Variants in NLRP5 observed in about 807,000 individuals in gnomAD.
NLRP5 encodes the protein NACHT, LRR and PYD domains-containing protein 5.
Under a neutral mutation model 113.1 loss-of-function variants are expected in NLRP5, and 93 were observed. The observed-to-expected ratio is 0.82, with a 90% CI of 0.70 to 0.98. The LOEUF (loss-of-function observed/expected upper bound fraction) is 0.98, where lower values mean the gene tolerates loss of function less well. Ranked by LOEUF, NLRP5 falls within the 50% of genes least tolerant of loss-of-function variation. The probability of loss-of-function intolerance (pLI) is 0.00; values close to 1 mark genes in which losing one functional copy is unlikely to be tolerated. For missense variants in NLRP5, 1,808 were observed against 1,514.3 expected (o/e 1.19, Z -3.22); for synonymous variants, 751 against 600.7 (o/e 1.25, Z -3.66).
chr19:56,020,678 G>T (rs2123293810), intron 6 of NLRP5, among the ~76,000 whole-genome samples: 2 of 150,610 alleles, frequency 1.3e-5, no homozygotes, highest in South Asian at 2.1e-4. Context: ...TAATTCTAGG[G>T]GACTCGAATC....
At chr19:56,012,588 A>C (rs1415005114) in intron 3 of NLRP5, among the ~76,000 whole-genome samples, 2 of 151,852 alleles carry the variant, frequency 1.3e-5, no homozygotes, top group Non-Finnish European at 2.9e-5. Flanking sequence ...AAAAAAAAAA[A>C]AAATCCTTCA....
upstream of NLRP5, among the ~76,000 whole-genome samples, chr19:55,994,760 C>G (rs1375234769): frequency 2.0e-5 from 3 of 152,124 alleles, no homozygotes; most frequent in African/African-American, 7.2e-5. Context: ...TGGATGTACT[C>G]CTATTGGTCT....
At chr19:56,000,975 C>G (rs1981624051) in intron 1 of NLRP5, among the ~76,000 whole-genome samples, 2 of 151,796 alleles carry the variant, frequency 1.3e-5, no homozygotes, top group Non-Finnish European at 2.9e-5. Context: ...CCACTACACT[C>G]CAGCCTGGGT....
chr19:56,010,828 T>C (rs1982160683), intron 3 of NLRP5, among the ~76,000 whole-genome samples: 1 of 148,544 alleles, frequency 6.7e-6, no homozygotes, highest in African/African-American at 2.5e-5. Flanking sequence ...ATGTGGTCCA[T>C]GTATACAATA....
At chr19:55,999,813 T>C in intron 1 of NLRP5, 1 of 1,576,346 alleles carries the variant, frequency 6.3e-7, no homozygotes, top group Middle Eastern at 1.7e-4. Flanking sequence ...GAGTTACCTA[T>C]GAGGAAACCG....
upstream of NLRP5, among the ~76,000 whole-genome samples, chr19:55,998,040 A>C (rs1432588156): frequency 1.3e-5 from 2 of 152,182 alleles, no homozygotes; most frequent in African/African-American, 4.8e-5. Flanking sequence ...TAATCAAAAC[A>C]ACCATGGTAG....
At chr19:55,998,155 TTTATC>T (rs1011569148), upstream of NLRP5, among the ~76,000 whole-genome samples, 6 of 152,102 alleles carry the variant, frequency 3.9e-5, no homozygotes, top group South Asian at 2.1e-4. Context: ...TTGGATTAGA[TTTATC>T]TTATCTCAGT....
the NLRP5 span, among the ~76,000 whole-genome samples, chr19:55,991,083 G>A: frequency 2.0e-5 from 3 of 152,144 alleles, no homozygotes; most frequent in African/African-American, 7.2e-5. Flanking sequence ...TTTATTTGCA[G>A]CAGTTTTTTC....
intron 9 of NLRP5, among the ~76,000 whole-genome samples, chr19:56,036,884 G>C (rs1171698814): frequency 6.6e-6 from 1 of 152,146 alleles, no homozygotes; most frequent in Non-Finnish European, 1.5e-5. Context: ...TTGAACCCAG[G>C]AGGCAGAGGT....
intron 7 of NLRP5, among the ~76,000 whole-genome samples, chr19:56,031,992 G>GT: frequency 6.6e-6 from 1 of 152,152 alleles, no homozygotes; most frequent in Admixed American, 6.6e-5. Flanking sequence ...CCTCTGTACT[G>GT]TTTTCCACAG....
intron 1 of NLRP5, among the ~76,000 whole-genome samples, chr19:56,001,569 C>T (rs1447496189): frequency 9.9e-5 from 15 of 152,122 alleles, no homozygotes; most frequent in African/African-American, 3.6e-4. Context: ...GGGCTAAATA[C>T]TGGGGACAAC....
Position 56,027,617 on chromosome 19 carries a change from C to G in NLRP5, c.1384C>G (p.Arg462Gly), listed in dbSNP as rs199475775. The change falls in exon 7 of 15, where the codon CGT becomes GGT. Residue 462 changes from arginine (R) to glycine (G), a missense_variant. Transcript: ENST00000390649. Reference sequence around the variant, plus strand: ...AGGGTTGCGTGCGATCATGAACAACCGTGAGCTGCTCGACCAGTGCCAGGT... The same window carrying G: ...AGGGTTGCGTGCGATCATGAACAACGGTGAGCTGCTCGACCAGTGCCAGGT... 1 of 1,613,626 alleles carries G rather than the reference C, an allele frequency of 6.2e-7. No homozygotes were observed. The highest frequency in any genetic ancestry group is 1.3e-5 in the African/African-American group (1 of 74,938).
chr19:56,008,726 C>T, intron 2 of NLRP5, 62 bp from the exon 3 acceptor site: 4 of 1,442,212 alleles, frequency 2.8e-6, no homozygotes, highest in Non-Finnish European at 2.9e-6. Flanking sequence ...CATTCTTATC[C>T]TTGGCTTGGG....
chr19:56,039,866 G>T (rs1044484191), intron 10 of NLRP5, among the ~76,000 whole-genome samples: 1 of 152,074 alleles, frequency 6.6e-6, no homozygotes, highest in Non-Finnish European at 1.5e-5. Flanking sequence ...GTGAGCCAAG[G>T]TCACGCCATT....
chr19:56,024,034 G>T (rs1982717970), intron 6 of NLRP5, among the ~76,000 whole-genome samples: 1 of 152,128 alleles, frequency 6.6e-6, no homozygotes, highest in South Asian at 2.1e-4. Flanking sequence ...AAAAGACAAG[G>T]TATTTTTCTC....
At chr19:56,007,920 T>TGCGCGC (rs1982006555) in intron 2 of NLRP5, among the ~76,000 whole-genome samples, 1 of 129,304 alleles carries the variant, frequency 7.7e-6, no homozygotes, top group African/African-American at 3.2e-5. Flanking sequence ...TGTGTGTGTG[T>TGCGCGC]GTGTGTGTGT....
intron 7 of NLRP5, among the ~76,000 whole-genome samples, chr19:56,030,714 C>CTTTTTTTTTTTTTTTTTTTGTTTTTT (rs770624516): frequency 1.4e-5 from 1 of 71,350 alleles, no homozygotes; most frequent in African/African-American, 7.2e-5. Context: ...CTTTCTTCTT[C>CTTTTTTTTTTTTTTTTTTTGTTTTTT]TTTTTTTTTT....
the NLRP5 span, among the ~76,000 whole-genome samples, chr19:55,991,492 C>A: frequency 6.6e-6 from 1 of 152,058 alleles, no homozygotes; most frequent in Admixed American, 6.6e-5. Flanking sequence ...CCACATTGAG[C>A]CTTTTATCTA....
intron 12 of NLRP5, among the ~76,000 whole-genome samples, chr19:56,052,977 AT>A (rs1241964344): frequency 6.6e-6 from 1 of 152,216 alleles, no homozygotes; most frequent in Non-Finnish European, 1.5e-5. Flanking sequence ...CATGCCTGTA[AT>A]CCCAGCTACT....
Sources: gnomAD v4.1 joint callset for allele counts (sites outside exome capture counted in the v4.1 genomes callset) on GRCh38, gnomAD v4.1.1 for gene constraint, MANE v1.5 for transcripts, NCBI Gene and HGNC (gene_info 2026-07-23, HGNC 2026-07-21) for gene names.